Variants in AFF2 observed in about 807,000 individuals in gnomAD.
The protein encoded by AFF2 is ALF transcription elongation factor 2, also known as AF4/FMR2 family member 2.
A neutral mutation model predicts 76.9 loss-of-function variants in AFF2; 14 were observed. The ratio of observed to expected loss-of-function variants is 0.18; its 90% CI spans 0.12 to 0.28. AFF2 has a LOEUF of 0.28. Among genes scored for constraint, AFF2 ranks in the 10% least tolerant of loss-of-function variants. The pLI is 1.00. For missense variants in AFF2, 868 were observed against 1,001.1 expected (o/e 0.87, Z 1.79); for synonymous variants, 398 against 366.7 (o/e 1.09, Z -0.98).
At chrX:148,766,498 GTCT>G (rs1262466019) in intron 3 of AFF2, among the ~76,000 whole-genome samples, 19 of 106,726 alleles carry the variant, frequency 1.8e-4, no homozygotes, top group African/African-American at 6.5e-4. Context: ...CTGCATAAAT[GTCT>G]TCTTTTGAGA....
intron 3 of AFF2, among the ~76,000 whole-genome samples, chrX:148,719,711 A>T (rs2055069115): frequency 1.8e-5 from 2 of 111,993 alleles, no homozygotes; most frequent in Non-Finnish European, 3.8e-5. Flanking sequence ...AAGTGCTCAC[A>T]TGTTCCAGAA....
chrX:148,945,864 C>G (rs1286280275), intron 9 of AFF2, among the ~76,000 whole-genome samples: 8 of 111,964 alleles, frequency 7.1e-5, no homozygotes, highest in Non-Finnish European at 1.5e-4. Flanking sequence ...TATGCTCTTC[C>G]CATTGTACTA....
intron 3 of AFF2, among the ~76,000 whole-genome samples, chrX:148,742,445 T>C (rs1300741950): frequency 1.8e-5 from 2 of 111,518 alleles, no homozygotes; most frequent in African/African-American, 6.5e-5. Context: ...TATGTATGAG[T>C]TTGTAGGAGG....
chrX:148,854,169 A>G (rs1415069258), intron 7 of AFF2, among the ~76,000 whole-genome samples: 2 of 111,874 alleles, frequency 1.8e-5, no homozygotes, highest in Non-Finnish European at 3.8e-5. Flanking sequence ...TAAGAAATGT[A>G]AAAGTGCACT....
chrX:148,692,144 T>C (rs1183677839), intron 3 of AFF2, among the ~76,000 whole-genome samples: 1 of 110,791 alleles, frequency 9.0e-6, no homozygotes, highest in African/African-American at 3.3e-5. Flanking sequence ...AATGATTTTC[T>C]AAAAAAAGGA....
chrX:148,738,552 A>G (rs1291400158), intron 3 of AFF2, among the ~76,000 whole-genome samples: 1 of 111,541 alleles, frequency 9.0e-6, no homozygotes, highest in East Asian at 2.8e-4. Context: ...AAGTTTATTT[A>G]TCTTTTCAAA....
chrX:148,534,940 C>G (rs1184057383), intron 1 of AFF2, among the ~76,000 whole-genome samples: 2 of 111,645 alleles, frequency 1.8e-5, no homozygotes, highest in Non-Finnish European at 3.8e-5. Flanking sequence ...AAATGACACC[C>G]TGAGCTGTCG....
chrX:148,832,085 A>G (rs1035175196), intron 4 of AFF2, among the ~76,000 whole-genome samples: 2 of 112,229 alleles, frequency 1.8e-5, no homozygotes, highest in Non-Finnish European at 3.8e-5. Flanking sequence ...GTCTGTGGTG[A>G]TTTGTAAAGC....
intron 3 of AFF2, among the ~76,000 whole-genome samples, chrX:148,794,368 C>T (rs1365131759): frequency 1.8e-5 from 2 of 111,722 alleles, no homozygotes; most frequent in Admixed American, 1.9e-4. Flanking sequence ...TTTGAGGGCA[C>T]ATCTGAATTA....
At chrX:148,789,572 A>G (rs1477380655) in intron 3 of AFF2, among the ~76,000 whole-genome samples, 2 of 111,343 alleles carry the variant, frequency 1.8e-5, no homozygotes, top group Non-Finnish European at 3.8e-5. Flanking sequence ...AGGTAAATTA[A>G]ACTTGATTTA....
Position 148,516,268 on chromosome X carries a change from C to T in AFF2, c.47+15124C>T, listed in dbSNP as rs1194809010. Among the ~76,000 whole-genome samples the T allele has an allele frequency of 4.5e-5, 5 of 111,900 alleles. No individual in the cohort carries two copies. The East Asian group carries it at 1.4e-3, about 32-fold the overall frequency. On this transcript the variant is annotated intron_variant, in intron 1 of 20. Transcript: ENST00000370460. ...AGGCTCTAACTCTATTTTTAGGTTA[C>T]ATAGAGCAGGGAGAGGCGTCTTTAT...
intron 1 of AFF2, among the ~76,000 whole-genome samples, chrX:148,573,422 A>G (rs2053251180): frequency 9.0e-6 from 1 of 111,279 alleles, no homozygotes; most frequent in Non-Finnish European, 1.9e-5. Context: ...CTTCTAGACC[A>G]ACGTATAGTT....
chrX:148,891,925 C>T (rs1557279783), intron 8 of AFF2, among the ~76,000 whole-genome samples: 1 of 111,946 alleles, frequency 8.9e-6, no homozygotes, highest in Non-Finnish European at 1.9e-5. Flanking sequence ...TCATTTAGCA[C>T]AGTTAGAAGT....
At chrX:148,783,718 A>T (rs1213114267) in intron 3 of AFF2, among the ~76,000 whole-genome samples, 1 of 111,124 alleles carries the variant, frequency 9.0e-6, no homozygotes, top group Non-Finnish European at 1.9e-5. Flanking sequence ...TCTTGAGGGG[A>T]GGTGGATCTG....
chrX:148,653,916 A>C (rs1466751733), intron 2 of AFF2, among the ~76,000 whole-genome samples: 1 of 111,528 alleles, frequency 9.0e-6, no homozygotes. Flanking sequence ...TGCTAGAGAG[A>C]TATCAGGAGA....
intron 3 of AFF2, among the ~76,000 whole-genome samples, chrX:148,756,682 A>G (rs149632482): frequency 0.11 from 12,163 of 112,336 alleles, 665 homozygotes; most frequent in Non-Finnish European, 0.16. Flanking sequence ...TAAAAATAAA[A>G]TATATGAAAC....
At chrX:148,601,619 T>G (rs2124387705) in intron 1 of AFF2, among the ~76,000 whole-genome samples, 1 of 111,720 alleles carries the variant, frequency 9.0e-6, no homozygotes, top group East Asian at 2.8e-4. Flanking sequence ...ATATCTTTTT[T>G]TTCTCCCTCC....
chrX:148,898,160 C>T (rs1445804855), intron 8 of AFF2, among the ~76,000 whole-genome samples: 2 of 112,118 alleles, frequency 1.8e-5, no homozygotes, highest in East Asian at 2.8e-4. Context: ...GCTGTTATCA[C>T]GTCATCTTTG....
intron 3 of AFF2, among the ~76,000 whole-genome samples, chrX:148,784,780 A>G (rs1407816753): frequency 3.6e-5 from 4 of 111,456 alleles, no homozygotes; most frequent in African/African-American, 1.3e-4. Context: ...CAATTCCACA[A>G]TTGTGTATGT....
Sources: gnomAD v4.1 joint callset for allele counts (sites outside exome capture counted in the v4.1 genomes callset) on GRCh38, gnomAD v4.1.1 for gene constraint, MANE v1.5 for transcripts, NCBI Gene and HGNC (gene_info 2026-07-23, HGNC 2026-07-21) for gene names.